PLXNA2: variants seen among roughly 807,000 people sequenced by gnomAD.
PLXNA2 encodes the protein plexin A2, also known as plexin-A2.
In PLXNA2, 91 loss-of-function variants were observed where a neutral mutation model predicts 193.5. The ratio of observed to expected loss-of-function variants is 0.47; its 90% confidence interval spans 0.40 to 0.56. The LOEUF (loss-of-function observed/expected upper bound fraction) is 0.56, where lower values mean the gene tolerates loss of function less well. Among genes scored for constraint, PLXNA2 ranks in the 20% least tolerant of loss-of-function variants. PLXNA2 has a pLI of 0.00. For missense variants in PLXNA2, 1,995 were observed against 2,503.2 expected (o/e 0.80, Z 4.33); for synonymous variants, 997 against 1,027.3 (o/e 0.97, Z 0.56).
chr1:208,039,235 G>A (rs770796004), intron 24 of PLXNA2, among the ~76,000 whole-genome samples: 9 of 152,090 alleles, frequency 5.9e-5, no homozygotes, highest in Admixed American at 3.9e-4. Flanking sequence ...GACAGCTTAG[G>A]GGAGACTATA....
chr1:208,156,246 G>T (rs1186857874), intron 3 of PLXNA2, among the ~76,000 whole-genome samples: 3 of 152,188 alleles, frequency 2.0e-5, no homozygotes, highest in African/African-American at 7.2e-5. Context: ...GAAGCGAACG[G>T]CTTTGGGGGC....
chr1:208,029,581 C>T, intron 29 of PLXNA2: 1 of 990,708 alleles, frequency 1.0e-6, no homozygotes, highest in Non-Finnish European at 1.2e-6. Flanking sequence ...ATGGGCTCCC[C>T]TGGGGGAAGT....
At chr1:208,158,824 G>T (rs1467802406) in intron 3 of PLXNA2, among the ~76,000 whole-genome samples, 2 of 152,214 alleles carry the variant, frequency 1.3e-5, no homozygotes, top group African/African-American at 4.8e-5. Context: ...CCTACAGGTG[G>T]TCTGAGCTGC....
chr1:208,211,526 T>C (rs985290006), intron 2 of PLXNA2, among the ~76,000 whole-genome samples: 11 of 152,090 alleles, frequency 7.2e-5, no homozygotes, highest in Non-Finnish European at 1.3e-4. Context: ...ACCCTGTCTC[T>C]ACTAAAAATA....
intron 4 of PLXNA2, among the ~76,000 whole-genome samples, chr1:208,104,416 G>A (rs1386854488): frequency 2.6e-5 from 4 of 152,198 alleles, no homozygotes; most frequent in Admixed American, 6.5e-5. Context: ...AGAACCCTAC[G>A]GTCCAGTGGG....
chr1:208,079,137 C>A (rs966060709), intron 12 of PLXNA2, 123 bp downstream of exon 12: 4 of 795,110 alleles, frequency 5.0e-6, no homozygotes, highest in South Asian at 1.9e-5. Flanking sequence ...CCTACACCCC[C>A]CCACATTAAA....
At chr1:208,188,471 G>A (rs948905856) in intron 3 of PLXNA2, among the ~76,000 whole-genome samples, 4 of 152,174 alleles carry the variant, frequency 2.6e-5, no homozygotes, top group Non-Finnish European at 4.4e-5. Flanking sequence ...CACTTTGGGA[G>A]GCCAAGGCAG....
At position 208,098,832 on chromosome 1, in the gene PLXNA2, G is replaced by A. The variant is rs1414283661; in HGVS notation, c.1731+14C>T. On this transcript the variant is annotated intron_variant, in intron 6 of 31. Transcript: ENST00000367033. ...TGTATTCCCTCTCCCCATGCCCCTG[G>A]ATGAGTTACTTACCAACCGGCTGTG... 1 of 1,612,848 alleles carries A rather than the reference G, an allele frequency of 6.2e-7. No individual in the cohort carries two copies. Among genetic ancestry groups the A allele is most frequent in the Admixed American group, 1.7e-5 (1 of 59,864 alleles).
chr1:208,042,383 T>G lies in PLXNA2; in HGVS notation c.4018-17A>C. 1 of 1,609,078 alleles carries G rather than the reference T, an allele frequency of 6.2e-7. No individual in the cohort carries two copies. The highest frequency in any genetic ancestry group is 8.5e-7 in the Non-Finnish European group (1 of 1,176,894). On this transcript the variant is annotated splice_polypyrimidine_tract_variant and intron_variant, in intron 21 of 31. Coordinates refer to ENST00000367033, the MANE Select transcript of PLXNA2 (RefSeq NM_025179.4). Reference sequence around the variant, plus strand: ...TCCTTGTACCTGGGGTGGGGTGTGGTGGAGGCGACGCCCTCAGAGGACAGG... The same window carrying G: ...TCCTTGTACCTGGGGTGGGGTGTGGGGGAGGCGACGCCCTCAGAGGACAGG...
At chr1:208,234,092 C>T (rs2782933) in intron 1 of PLXNA2, among the ~76,000 whole-genome samples, 116,731 of 151,820 alleles carry the variant, frequency 0.77, 44,953 homozygotes, top group Middle Eastern at 0.84. Context: ...GACAAGAGAC[C>T]GAAAAGAAAA....
chr1:208,138,036 G>A (rs1364091308), intron 4 of PLXNA2, among the ~76,000 whole-genome samples: 2 of 152,142 alleles, frequency 1.3e-5, no homozygotes, highest in African/African-American at 4.8e-5. Flanking sequence ...GTTTTAGAGC[G>A]AAATGATGAA....
intron 4 of PLXNA2, among the ~76,000 whole-genome samples, chr1:208,128,892 G>A (rs1281665991): frequency 1.3e-5 from 2 of 151,818 alleles, no homozygotes; most frequent in African/African-American, 2.4e-5. Flanking sequence ...TAGTAGAGAC[G>A]GGGTTTCACC....
At chr1:208,103,720 C>G (rs1270968648) in intron 4 of PLXNA2, among the ~76,000 whole-genome samples, 1 of 152,234 alleles carries the variant, frequency 6.6e-6, no homozygotes, top group Non-Finnish European at 1.5e-5. Flanking sequence ...GGTACAGACT[C>G]TTTACAGCCA....
chr1:208,103,061 C>CTCTT (rs2102417889), intron 5 of PLXNA2, 86 bp downstream of exon 5: 1 of 933,220 alleles, frequency 1.1e-6, no homozygotes, highest in Non-Finnish European at 1.7e-6. Flanking sequence ...ATTCCTCTCT[C>CTCTT]TGCAAAGTAC....
rs1664609941 is a variant in PLXNA2 at position 208,034,500 on chromosome 1, G to A, written c.4857C>T (p.Ser1619=). 6.2e-7 allele frequency: 1 copy of A among 1,611,104 alleles called. No individual in the cohort carries two copies. ...TGCCCTCGTGGTTCTCACCGTATCT[G>A]CTGATGGACGTCCGGGAGATGCTGG... ...ASASISRTSI[S]RYDSSFRYTG... The change falls in exon 27 of 32, where the codon AGC becomes AGT. Residue 1619 remains serine, a synonymous_variant. Coordinates refer to ENST00000367033, the MANE Select transcript of PLXNA2 (RefSeq NM_025179.4).
At chr1:208,050,580 C>T (rs1382176662) in intron 17 of PLXNA2, among the ~76,000 whole-genome samples, 1 of 152,218 alleles carries the variant, frequency 6.6e-6, no homozygotes, top group East Asian at 1.9e-4. Flanking sequence ...TGCCTATAAT[C>T]CCAGCACTTT....
At chr1:208,196,135 C>T (rs993903349) in intron 3 of PLXNA2, among the ~76,000 whole-genome samples, 8 of 152,292 alleles carry the variant, frequency 5.3e-5, no homozygotes, top group African/African-American at 7.2e-5. Context: ...ACATCAGGCA[C>T]ATTTCCAATA....
chr1:208,089,314 C>T (rs1032246860), intron 9 of PLXNA2, among the ~76,000 whole-genome samples: 8 of 152,166 alleles, frequency 5.3e-5, no homozygotes, highest in African/African-American at 1.9e-4. Flanking sequence ...TGAAGTCAGG[C>T]CAGCAAGTGT....
At chr1:208,114,417 T>C (rs190205012) in intron 4 of PLXNA2, among the ~76,000 whole-genome samples, 1 of 152,220 alleles carries the variant, frequency 6.6e-6, no homozygotes, top group Admixed American at 6.5e-5. Context: ...AAAGCCTGAC[T>C]GCCCAAGGCC....
Sources: allele counts gnomAD v4.1 joint callset (sites outside exome capture counted in the v4.1 genomes callset), GRCh38; gene constraint gnomAD v4.1.1; transcripts MANE v1.5; gene names NCBI Gene and HGNC (gene_info 2026-07-23, HGNC 2026-07-21).